Variants in DISP3 observed in about 807,000 individuals in gnomAD.
The protein encoded by DISP3 is protein dispatched homolog 3.
Under a neutral mutation model 135.3 loss-of-function variants are expected in DISP3, and 101 were observed. The observed-to-expected ratio is 0.75, with a 90% CI of 0.64 to 0.88. The LOEUF is 0.88. Ranked by LOEUF, DISP3 falls within the 40% of genes least tolerant of loss-of-function variation. The probability of loss-of-function intolerance (pLI) is 0.00; values close to 1 mark genes in which losing one functional copy is unlikely to be tolerated. For synonymous variants in DISP3, 856 were observed against 817.0 expected, an observed-to-expected ratio of 1.05 and a Z score of -0.81; for missense variants, 1,713 against 1,878.6, an observed-to-expected ratio of 0.91 and a Z score of 1.63.
intron 13 of DISP3, 108 bp downstream of exon 13, chr1:11,526,943 A>AC: frequency 7.7e-7 from 1 of 1,292,566 alleles, no homozygotes; most frequent in Non-Finnish European, 1.0e-6. Context: ...AGGCCCCCTC[A>AC]CTTTTTTTTT....
At chr1:11,514,571 C>A in intron 4 of DISP3, 45 bp downstream of exon 4, 1 of 1,593,140 alleles carries the variant, frequency 6.3e-7, no homozygotes, top group Non-Finnish European at 8.6e-7. Context: ...TCCCAGGGTG[C>A]TCCTGTCTGC....
chr1:11,530,423 G>C (rs1216501252), intron 15 of DISP3, among the ~76,000 whole-genome samples: 1 of 152,336 alleles, frequency 6.6e-6, no homozygotes, highest in East Asian at 1.9e-4. Flanking sequence ...GGAAGGACAG[G>C]TGGGTGTCCT....
chr1:11,501,087 A>G lies in DISP3; in HGVS notation c.95A>G (p.Gln32Arg), dbSNP rs1641496933. 2 of 1,614,030 alleles carry G rather than the reference A, an allele frequency of 1.2e-6. No homozygotes were observed. Among genetic ancestry groups the G allele is most frequent in the African/African-American group, 1.3e-5 (1 of 74,922 alleles). The change falls in exon 2 of 21, where the codon CAG becomes CGG. Residue 32 changes from glutamine to arginine, a missense_variant. Physicochemically the swap from Gln to Arg is conservative, Grantham distance 43. Around this residue, in one of 2 missense-constraint regions of DISP3, gnomAD observed 571 missense variants for 494.1 expected, o/e 1.16. Coordinates refer to ENST00000294484, the MANE Select transcript of DISP3 (RefSeq NM_020780.2). This position sits in a 1 kb window ranked among gnomAD's most constrained non-coding sequence, Gnocchi z 4.9. ...EATGETFLGA[Q>R]KPGPQPGAGG... ...ACGGGTGAAACCTTTTTAGGGGCCC[A>G]GAAGCCAGGGCCCCAACCTGGGGCA...
At chr1:11,511,139 G>A (rs1475272833) in intron 3 of DISP3, among the ~76,000 whole-genome samples, 1 of 152,122 alleles carries the variant, frequency 6.6e-6, no homozygotes, top group African/African-American at 2.4e-5. Context: ...ATTTAGGTCA[G>A]GACACAGCCA....
At position 11,487,632 on chromosome 1, in the gene DISP3, C is replaced by T. The variant is rs549451190; in HGVS notation, c.-4+8260C>T. On this transcript the variant is annotated intron_variant, in intron 1 of 20. Transcript: ENST00000294484. ...ACTCTCAGAGCATTCCCAGGCTTCA[C>T]CTCCTCCAGCTGCTTCCCCCGTCCT... is the stretch of plus-strand genomic sequence containing the variant. 1.4e-4 allele frequency among the ~76,000 whole-genome samples: 21 copies of T among 152,356 alleles called. 1 individual carries two copies. The East Asian group carries it at 4.1e-3, about 29-fold the overall frequency.
chr1:11,481,953 A>C (rs933289347), intron 1 of DISP3: 1 of 152,204 alleles, frequency 6.6e-6, no homozygotes, highest in Non-Finnish European at 1.5e-5. Flanking sequence ...GGCAGGCATT[A>C]CTTCTACTGT....
chr1:11,522,637 A>AG lies in DISP3; in HGVS notation c.2363-1304dup, dbSNP rs1557615072. On this transcript the variant is annotated intron_variant, in intron 10 of 20. Transcript: ENST00000294484. ...GCCAGGACCCAGCCAGAGCCCAGCCAGAGCCCAGCCAGGGCCCAGCCAGAG... is the reference window on the plus strand; with the variant it reads ...GCCAGGACCCAGCCAGAGCCCAGCCAGGAGCCCAGCCAGGGCCCAGCCAGAG... Among the ~76,000 whole-genome samples the AG allele has an allele frequency of 1.2e-3, 156 of 130,308 alleles. 7 individuals carry two copies. Among genetic ancestry groups the AG allele is most frequent in the African/African-American group, 1.6e-3 (55 of 35,096 alleles). 85.5% of individuals were successfully genotyped at this position (130,308 alleles called of 152,430 possible).
At chr1:11,527,547 C>CA (rs35666879) in intron 13 of DISP3, among the ~76,000 whole-genome samples, 20,999 of 123,084 alleles carry the variant, frequency 0.17, 1,922 homozygotes, top group East Asian at 0.49. Context: ...GACTCCATCT[C>CA]AAAAAAAAAA....
chr1:11,500,232 C>T (rs1005686703), intron 1 of DISP3, among the ~76,000 whole-genome samples: 2 of 152,254 alleles, frequency 1.3e-5, no homozygotes, highest in Non-Finnish European at 2.9e-5. Flanking sequence ...TGGGAAGCTA[C>T]TGAGGGTTCT....
intron 1 of DISP3, 48 bp from the exon 2 acceptor site, chr1:11,500,942 T>A: frequency 6.3e-7 from 1 of 1,599,090 alleles, no homozygotes; most frequent in Non-Finnish European, 8.5e-7. Flanking sequence ...ACAGGGCACC[T>A]TCCCCTCACT....
chr1:11,490,893 A>G (rs1641165349), intron 1 of DISP3, among the ~76,000 whole-genome samples: 7 of 152,332 alleles, frequency 4.6e-5, no homozygotes, highest in African/African-American at 1.7e-4. Flanking sequence ...GTAGTGCTCA[A>G]TGGATGGTAA....
chr1:11,514,432 T>C lies in DISP3; in HGVS notation c.1359T>C (p.Tyr453=). Residue 453 remains tyrosine, a synonymous_variant, in exon 4 of 21, where the codon TAT becomes TAC. Coordinates refer to ENST00000294484, the MANE Select transcript of DISP3 (RefSeq NM_020780.2). ...VLYGGTDLFD[Y]EVRRTFNNDM... The stretch of plus-strand genomic sequence containing the variant: ...ATGGGGGGACAGACCTGTTTGACTA[T>C]GAAGTGCGCAGGACGTTCAACAATG... 1 of 1,613,660 alleles carries C rather than the reference T, an allele frequency of 6.2e-7. No individual in the cohort carries two copies. The highest frequency in any genetic ancestry group is 1.3e-5 in the African/African-American group (1 of 75,058).
chr1:11,530,311 C>G lies in DISP3; in HGVS notation c.3102+352C>G, dbSNP rs1322988218. Among the ~76,000 whole-genome samples the G allele has an allele frequency of 2.0e-5, 3 of 152,252 alleles. No homozygotes were observed. The East Asian group carries it at 5.8e-4, about 29-fold the overall frequency. On this transcript the variant is annotated intron_variant, in intron 15 of 20. Coordinates refer to ENST00000294484, the MANE Select transcript of DISP3 (RefSeq NM_020780.2). ...GGCTTTCTCTCTGAGGCCTCCCTCCCTCACATGCACTCCTGTCCAATGTGG... is the reference window on the plus strand; with the variant it reads ...GGCTTTCTCTCTGAGGCCTCCCTCCGTCACATGCACTCCTGTCCAATGTGG...
Position 11,519,761 on chromosome 1 carries a change from C to T in DISP3, c.2081C>T (p.Pro694Leu). ...LGDVSLVSVS[P>L]EGLQPASNTG... ...GACGTGTCCCTGGTGTCTGTGTCCCCCGAGGGTCTGCAGCCAGCCTCCAAC... is the reference window on the plus strand; with the variant it reads ...GACGTGTCCCTGGTGTCTGTGTCCCTCGAGGGTCTGCAGCCAGCCTCCAAC... Residue 694 changes from proline to leucine, a missense_variant, in exon 9 of 21, where the codon CCC becomes CTC. Transcript: ENST00000294484. This position sits in a 1 kb window ranked among gnomAD's most constrained non-coding sequence, Gnocchi z 4.3. 1 of 1,613,134 alleles carries T rather than the reference C, an allele frequency of 6.2e-7. No individual in the cohort carries two copies. The highest frequency in any genetic ancestry group is 1.1e-5 in the South Asian group (1 of 91,070).
chr1:11,503,577 AAGAG>A (rs1219808416), intron 3 of DISP3, among the ~76,000 whole-genome samples: 4 of 152,026 alleles, frequency 2.6e-5, no homozygotes, highest in African/African-American at 9.7e-5. Context: ...CCAGGGGGGA[AAGAG>A]AGAGAGGAAA....
chr1:11,507,363 A>G (rs544443172), intron 3 of DISP3, among the ~76,000 whole-genome samples: 1 of 152,098 alleles, frequency 6.6e-6, no homozygotes, highest in Non-Finnish European at 1.5e-5. Flanking sequence ...CTAATCTTTT[A>G]TCTCTCAAAA....
chr1:11,506,097 C>T (rs1261553311), intron 3 of DISP3, among the ~76,000 whole-genome samples: 1 of 152,162 alleles, frequency 6.6e-6, no homozygotes, highest in Non-Finnish European at 1.5e-5. Flanking sequence ...TTCTGACTTC[C>T]ATCATTTCTG....
intron 3 of DISP3, among the ~76,000 whole-genome samples, chr1:11,512,963 A>G (rs1641900161): frequency 1.3e-5 from 2 of 152,162 alleles, no homozygotes; most frequent in Admixed American, 1.3e-4. Flanking sequence ...CGTGAGACTT[A>G]TTCACTATCA....
intron 13 of DISP3, among the ~76,000 whole-genome samples, chr1:11,528,609 G>C (rs916915631): frequency 3.3e-5 from 5 of 152,214 alleles, no homozygotes; most frequent in Non-Finnish European, 5.9e-5. Flanking sequence ...TAGCCCCACT[G>C]TCATTGTGGA....
Sources: gnomAD v4.1 joint callset for allele counts (sites outside exome capture counted in the v4.1 genomes callset) on GRCh38, gnomAD v4.1.1 for gene constraint, gnomAD v4.1.1 regional missense constraint, Gnocchi (gnomAD v3.1) non-coding constraint, MANE v1.5 for transcripts, NCBI Gene and HGNC (gene_info 2026-07-23, HGNC 2026-07-21) for gene names.